SORCS2: variants seen among roughly 807,000 people sequenced by gnomAD.
The protein encoded by SORCS2 is VPS10 domain-containing receptor SorCS2.
A neutral mutation model predicts 141.6 loss-of-function variants in SORCS2; 100 were observed. The ratio of observed to expected loss-of-function variants is 0.71; its 90% CI spans 0.60 to 0.83. The LOEUF is 0.83. Ranked by LOEUF, SORCS2 falls within the 40% of genes least tolerant of loss-of-function variation. The pLI is 0.00. For synonymous variants in SORCS2, 789 were observed against 676.9 expected (o/e 1.17, Z -2.57); for missense variants, 1,646 against 1,560.2 (o/e 1.05, Z -0.93).
intron 2 of SORCS2, among the ~76,000 whole-genome samples, chr4:7,505,734 C>T (rs1433300893): frequency 1.3e-5 from 2 of 152,106 alleles, no homozygotes; most frequent in South Asian, 2.1e-4. Context: ...AGCTGGGCAG[C>T]GCCAGTGAGA....
At chr4:7,354,323 G>T (rs62279106) in intron 1 of SORCS2, among the ~76,000 whole-genome samples, 2,612 of 151,952 alleles carry the variant, frequency 0.017, 24 homozygotes, top group Middle Eastern at 0.045. Flanking sequence ...CCTACCCAGC[G>T]CTGCCTTCCG....
chr4:7,509,550 C>T (rs4689771), intron 2 of SORCS2, among the ~76,000 whole-genome samples: 84,736 of 152,082 alleles, frequency 0.56, 25,678 homozygotes, highest in East Asian at 0.99. Flanking sequence ...GAGGACTCTG[C>T]GGTCGACGCT....
chr4:7,579,696 G>T (rs767166757), intron 3 of SORCS2, among the ~76,000 whole-genome samples: 1 of 152,130 alleles, frequency 6.6e-6, no homozygotes, highest in Non-Finnish European at 1.5e-5. Context: ...GTTCTGCTCT[G>T]GGCCTTGTGT....
At chr4:7,672,023 A>C (rs982152802) in intron 8 of SORCS2, among the ~76,000 whole-genome samples, 1 of 150,102 alleles carries the variant, frequency 6.7e-6, no homozygotes, top group African/African-American at 2.5e-5. Context: ...AGCTCACTGC[A>C]ACCTCCACCT....
chr4:7,304,153 C>G (rs1717630583), intron 1 of SORCS2, among the ~76,000 whole-genome samples: 1 of 152,226 alleles, frequency 6.6e-6, no homozygotes, highest in South Asian at 2.1e-4. Context: ...CAGCAAAGAG[C>G]AAAAGACCAA....
At chr4:7,315,790 C>T (rs1380622982) in intron 1 of SORCS2, among the ~76,000 whole-genome samples, 2 of 152,218 alleles carry the variant, frequency 1.3e-5, no homozygotes, top group East Asian at 3.9e-4. Flanking sequence ...TAGCTTCTCT[C>T]CCCAGTGACT....
chr4:7,662,036 CAG>C, intron 6 of SORCS2, among the ~76,000 whole-genome samples: 1 of 152,304 alleles, frequency 6.6e-6, no homozygotes. Context: ...CCCATTAAAA[CAG>C]AAATGCCGGC....
intron 1 of SORCS2, among the ~76,000 whole-genome samples, chr4:7,215,372 A>G (rs572726669): frequency 1.8e-4 from 27 of 152,320 alleles, no homozygotes; most frequent in African/African-American, 6.3e-4. Context: ...TCCGCGGGGC[A>G]GGGCTCGGGA....
intron 2 of SORCS2, among the ~76,000 whole-genome samples, chr4:7,507,189 T>TTTATTTA (rs1193059235): frequency 6.6e-6 from 1 of 152,014 alleles, no homozygotes; most frequent in Non-Finnish European, 1.5e-5. Context: ...TATTTATTTA[T>TTTATTTA]TTTTGAGAAG....
Position 7,233,175 on chromosome 4 carries a change from T to C in SORCS2, c.480+40049T>C, listed in dbSNP as rs1712024252. Among the ~76,000 whole-genome samples, 1 of 152,098 alleles carries C rather than the reference T, an allele frequency of 6.6e-6. No individual in the cohort carries two copies. The highest frequency in any genetic ancestry group is 1.5e-5 in the Non-Finnish European group (1 of 68,002). ...CCCGAGGGAGGCCAGGTACTGTCACTGCAGGCAGCAGGAACGGCACGGCAG... is the reference window on the plus strand; with the variant it reads ...CCCGAGGGAGGCCAGGTACTGTCACCGCAGGCAGCAGGAACGGCACGGCAG... On this transcript the variant is annotated intron_variant, in intron 1 of 26. Transcript: ENST00000507866. This position sits in a 1 kb window ranked among gnomAD's most constrained non-coding sequence, Gnocchi z 4.5.
At chr4:7,285,118 C>T (rs1716123529) in intron 1 of SORCS2, among the ~76,000 whole-genome samples, 1 of 152,030 alleles carries the variant, frequency 6.6e-6, no homozygotes, top group East Asian at 1.9e-4. Context: ...CCGCAACCTC[C>T]ACCTCCTGGG....
intron 3 of SORCS2, among the ~76,000 whole-genome samples, chr4:7,610,588 C>T (rs1285041814): frequency 6.6e-6 from 1 of 152,120 alleles, no homozygotes; most frequent in Non-Finnish European, 1.5e-5. Flanking sequence ...TGGGGTGGGG[C>T]TTGGGGGGGT....
At chr4:7,640,481 A>T (rs986057587) in intron 4 of SORCS2, among the ~76,000 whole-genome samples, 8 of 145,448 alleles carry the variant, frequency 5.5e-5, no homozygotes, top group South Asian at 2.3e-4. Flanking sequence ...TGTGTGTGAG[A>T]GAGAGCCTAT....
At chr4:7,479,116 G>T (rs7675681) in intron 2 of SORCS2, among the ~76,000 whole-genome samples, 1 of 151,868 alleles carries the variant, frequency 6.6e-6, no homozygotes, top group Non-Finnish European at 1.5e-5. Context: ...AGTAAAGGGA[G>T]AAAGGCACAC....
At chr4:7,724,166 GTGGTGA>G (rs1367948604) in intron 19 of SORCS2, among the ~76,000 whole-genome samples, 14 of 147,468 alleles carry the variant, frequency 9.5e-5, no homozygotes, top group African/African-American at 1.8e-4. Context: ...GGTGGTGATG[GTGGTGA>G]TGGTGATAGC....
At chr4:7,504,440 G>A (rs748514806) in intron 2 of SORCS2, among the ~76,000 whole-genome samples, 3 of 152,180 alleles carry the variant, frequency 2.0e-5, no homozygotes, top group Non-Finnish European at 2.9e-5. Flanking sequence ...CTGGGCCCTC[G>A]GATGCAGAGC....
intron 3 of SORCS2, among the ~76,000 whole-genome samples, chr4:7,579,062 G>C (rs73089041): frequency 0.02 from 2,997 of 152,092 alleles, 105 homozygotes; most frequent in African/African-American, 0.069. Context: ...ATTTATGGAG[G>C]CTGGTAATGC....
At chr4:7,614,842 C>T (rs561720059) in intron 3 of SORCS2, among the ~76,000 whole-genome samples, 1 of 151,942 alleles carries the variant, frequency 6.6e-6, no homozygotes, top group East Asian at 1.9e-4. Context: ...ATCCATCCAT[C>T]TCTTATCCAC....
At chr4:7,497,716 C>G (rs114803482) in intron 2 of SORCS2, among the ~76,000 whole-genome samples, 1 of 152,234 alleles carries the variant, frequency 6.6e-6, no homozygotes, top group East Asian at 1.9e-4. Flanking sequence ...GTCATGGTCC[C>G]CACCGCACAG....
Sources: allele counts gnomAD v4.1 joint callset (sites outside exome capture counted in the v4.1 genomes callset), GRCh38; gene constraint gnomAD v4.1.1; non-coding constraint Gnocchi (gnomAD v3.1); transcripts MANE v1.5; gene names NCBI Gene and HGNC (gene_info 2026-07-23, HGNC 2026-07-21).